Variants in MRO observed in about 807,000 individuals in gnomAD.
The protein encoded by MRO is maestro, also known as protein maestro.
In MRO, 28 loss-of-function variants were observed where a neutral mutation model predicts 31.0. The ratio of observed to expected loss-of-function variants is 0.90; its 90% CI spans 0.67 to 1.24. The LOEUF (loss-of-function observed/expected upper bound fraction) is 1.24, where lower values mean the gene tolerates loss of function less well. Ranked by LOEUF, MRO falls within the 50% of genes most tolerant of loss-of-function variation. MRO has a pLI of 0.00. For missense variants in MRO, 332 were observed against 289.2 expected, an observed-to-expected ratio of 1.15 and a Z score of -1.07; for synonymous variants, 108 against 108.4, an observed-to-expected ratio of 1.00 and a Z score of 0.02.
intron 2 of MRO, 108 bp downstream of exon 2, chr18:50,819,473 C>A: frequency 6.8e-7 from 1 of 1,475,036 alleles, no homozygotes; most frequent in Non-Finnish European, 9.0e-7. Flanking sequence ...AGAGGTCGAG[C>A]TCCCATACTG....
chr18:50,809,148 A>AAAAAAAAC (rs1387056550), intron 3 of MRO, among the ~76,000 whole-genome samples, 154 bp downstream of exon 3: 2 of 56,602 alleles, frequency 3.5e-5, no homozygotes, highest in Non-Finnish European at 9.1e-5. Flanking sequence ...CCGTCTCAAA[A>AAAAAAAAC]AAAAAAAAAA....
intron 2 of MRO, among the ~76,000 whole-genome samples, chr18:50,812,252 T>C (rs978541708): frequency 2.0e-5 from 3 of 152,320 alleles, no homozygotes; most frequent in African/African-American, 7.2e-5. Context: ...TTATTTGCAT[T>C]CCCCTAATGA....
At chr18:50,819,186 A>C (rs8085574) in intron 2 of MRO, among the ~76,000 whole-genome samples, 20,856 of 152,204 alleles carry the variant, frequency 0.14, 1,421 homozygotes, top group Middle Eastern at 0.16. Context: ...ACTCTGAAAG[A>C]TATCCTTTCA....
intron 4 of MRO, 49 bp downstream of exon 4, chr18:50,806,655 T>C: frequency 6.2e-7 from 1 of 1,608,908 alleles, no homozygotes; most frequent in Non-Finnish European, 8.5e-7. Flanking sequence ...CACACCAAGG[T>C]GGTTGGAGAG....
rs1244469295 is a variant in MRO, at chr18:50,795,399, A to G, written c.*3938T>C. On this transcript the variant is annotated 3_prime_UTR_variant, in exon 8 of 8. Coordinates refer to ENST00000398439, the MANE Select transcript of MRO (RefSeq NM_031939.6). ...ACTTAGAAAATGCAGAAATGCACAAATATCTGTCTTCTGTACAACACTAAC... is the reference window on the plus strand; with the variant it reads ...ACTTAGAAAATGCAGAAATGCACAAGTATCTGTCTTCTGTACAACACTAAC... The G allele has an allele frequency of 6.6e-6, 1 of 152,244 alleles. No homozygotes were observed. The highest frequency in any genetic ancestry group is 2.4e-5 in the African/African-American group (1 of 41,452). The allele number at this position is 152,244 out of a possible 1,614,324, so 9.4% of individuals were successfully genotyped here. A position where few individuals can be genotyped will look rare whatever the true frequency, so the allele number is the denominator to read the frequency against.
At chr18:50,805,691 G>C (rs776536356) in intron 4 of MRO, among the ~76,000 whole-genome samples, 1 of 151,954 alleles carries the variant, frequency 6.6e-6, no homozygotes, top group Non-Finnish European at 1.5e-5. Context: ...GTTGGCGGAT[G>C]GTAAAGGAGG....
At chr18:50,806,675 G>C (rs1191643424) in intron 4 of MRO, 29 bp downstream of exon 4, 3 of 1,613,464 alleles carry the variant, frequency 1.9e-6, no homozygotes, top group Middle Eastern at 3.3e-4. Flanking sequence ...GGCTTGGGGA[G>C]CTGGCTGAGC....
At chr18:50,809,865 A>C (rs1225399696) in intron 2 of MRO, among the ~76,000 whole-genome samples, 1 of 152,238 alleles carries the variant, frequency 6.6e-6, no homozygotes, top group Non-Finnish European at 1.5e-5. Context: ...AATCCTATAG[A>C]TATGAACACA....
upstream of MRO, among the ~76,000 whole-genome samples, chr18:50,820,269 C>T (rs1915255201): frequency 6.6e-6 from 1 of 152,190 alleles, no homozygotes; most frequent in Non-Finnish European, 1.5e-5. Flanking sequence ...CCGTTGACGT[C>T]CCTTCCTGCT....
intron 2 of MRO, among the ~76,000 whole-genome samples, chr18:50,816,793 A>C (rs981139974): frequency 2.0e-5 from 3 of 152,214 alleles, no homozygotes; most frequent in Non-Finnish European, 2.9e-5. Flanking sequence ...TCAAAATAAA[A>C]GAAGCAAAAC....
chr18:50,803,269 G>A (rs1231289283), intron 5 of MRO, among the ~76,000 whole-genome samples: 1 of 152,134 alleles, frequency 6.6e-6, no homozygotes, highest in Non-Finnish European at 1.5e-5. Context: ...CAGCCCTTTG[G>A]GAGGCCGAGA....
intron 2 of MRO, among the ~76,000 whole-genome samples, chr18:50,811,560 A>T (rs1914474651): frequency 6.6e-6 from 1 of 152,126 alleles, no homozygotes; most frequent in Non-Finnish European, 1.5e-5. Context: ...GCTGAATAGT[A>T]TTCAATTGTA....
At chr18:50,811,592 A>T (rs963161181) in intron 2 of MRO, among the ~76,000 whole-genome samples, 2 of 152,098 alleles carry the variant, frequency 1.3e-5, no homozygotes, top group African/African-American at 4.8e-5. Context: ...CAATTTGTTT[A>T]TCCATTCACC....
At chr18:50,806,918 T>C (rs2144618578) in intron 3 of MRO, 68 bp from the exon 4 acceptor site, 1 of 1,485,836 alleles carries the variant, frequency 6.7e-7, no homozygotes, top group Non-Finnish European at 9.3e-7. Flanking sequence ...AACCCCAATC[T>C]CTCCCTCTAA....
In MRO at chr18:50,801,123, T is replaced by C. The variant is rs184382034; in HGVS notation, c.585+226A>G. On this transcript the variant is annotated intron_variant, in intron 6 of 7. Coordinates refer to ENST00000398439, the MANE Select transcript of MRO (RefSeq NM_031939.6). Reference sequence around the variant, plus strand: ...CCCATTACCCTGAGCTTATCTTGCATTGACAGGTGCTGGGCTTGGGCAGGT... The same window carrying C: ...CCCATTACCCTGAGCTTATCTTGCACTGACAGGTGCTGGGCTTGGGCAGGT... Among the ~76,000 whole-genome samples, 6 of 152,234 alleles carry C rather than the reference T, an allele frequency of 3.9e-5. No individual in the cohort carries two copies. In the East Asian group the frequency reaches 1.2e-3, roughly 29 times the overall value.
At chr18:50,820,163 C>T (rs1355609423), upstream of MRO, 10 of 601,524 alleles carry the variant, frequency 1.7e-5, no homozygotes, top group Non-Finnish European at 3.0e-5. Flanking sequence ...CTTACATAAT[C>T]CTGTTAGAGC....
chr18:50,809,021 C>G (rs2144628981), intron 3 of MRO, among the ~76,000 whole-genome samples: 1 of 150,810 alleles, frequency 6.6e-6, no homozygotes, highest in Admixed American at 6.6e-5. Context: ...GCCTGTAGTC[C>G]CAGCTACTCG....
intron 2 of MRO, chr18:50,816,046 AAAAAT>A (rs1374563031): frequency 6.6e-6 from 1 of 152,482 alleles, no homozygotes; most frequent in Non-Finnish European, 1.5e-5. Context: ...AAAAAAATAA[AAAAAT>A]AAAAACAGCA....
At chr18:50,800,356 C>A (rs1199290735) in intron 6 of MRO, among the ~76,000 whole-genome samples, 1 of 152,158 alleles carries the variant, frequency 6.6e-6, no homozygotes, top group East Asian at 1.9e-4. Context: ...AAGGGCGTAG[C>A]TTTACAGTTT....
Sources: allele counts gnomAD v4.1 joint callset (sites outside exome capture counted in the v4.1 genomes callset), GRCh38; gene constraint gnomAD v4.1.1; transcripts MANE v1.5; gene names NCBI Gene and HGNC (gene_info 2026-07-23, HGNC 2026-07-21).